Variants in HTR1F observed in about 807,000 individuals in gnomAD.
The protein encoded by HTR1F is 5-hydroxytryptamine (serotonin) receptor 1F, G protein-coupled.
Under a neutral mutation model 24.0 loss-of-function variants are expected in HTR1F, and 17 were observed. The observed-to-expected ratio is 0.71, with a 90% CI of 0.48 to 1.06. HTR1F has a LOEUF of 1.06. Ranked by LOEUF, HTR1F falls within the 50% of genes least tolerant of loss-of-function variation. The pLI, the probability that HTR1F is intolerant of heterozygous loss-of-function variation, is 0.00. For synonymous variants in HTR1F, 186 were observed against 156.8 expected, an observed-to-expected ratio of 1.19 and a Z score of -1.39; for missense variants, 391 against 427.8, an observed-to-expected ratio of 0.91 and a Z score of 0.76.
chr3:87,904,863 A>G (rs1309261063), intron 2 of HTR1F, among the ~76,000 whole-genome samples: 2 of 152,080 alleles, frequency 1.3e-5, no homozygotes, highest in Non-Finnish European at 2.9e-5. Context: ...GTTTTGGAGG[A>G]GACATAGGGA....
Position 87,847,883 on chromosome 3 carries a change from T to C in HTR1F, c.-43+25759T>C, listed in dbSNP as rs989325151. ...CTGCACATGACATGACTGCGCTCTT[T>C]ATGGCTGAATATTTCATTGTGCATA... On this transcript the variant is annotated intron_variant, in intron 2 of 2. Transcript: ENST00000319595. Among the ~76,000 whole-genome samples the C allele has an allele frequency of 1.6e-4, 25 of 152,048 alleles. 1 individual carries two copies. Among genetic ancestry groups the C allele is most frequent in the African/African-American group, 5.8e-4 (24 of 41,338 alleles).
intron 2 of HTR1F, among the ~76,000 whole-genome samples, chr3:87,929,475 A>G (rs1704207467): frequency 6.6e-6 from 1 of 152,214 alleles, no homozygotes. Flanking sequence ...TATTGGGAAT[A>G]GTAATAATAG....
At chr3:87,832,161 C>A (rs1426266679) in intron 2 of HTR1F, among the ~76,000 whole-genome samples, 1 of 152,008 alleles carries the variant, frequency 6.6e-6, no homozygotes. Context: ...AAGCTAAAAT[C>A]CGTATCTTCC....
intron 2 of HTR1F, among the ~76,000 whole-genome samples, chr3:87,925,314 T>G (rs1411755213): frequency 6.6e-6 from 1 of 152,122 alleles, no homozygotes; most frequent in Non-Finnish European, 1.5e-5. Flanking sequence ...CTTATCTGGT[T>G]GTGGAGGCTG....
At chr3:87,902,269 A>G (rs999867560) in intron 2 of HTR1F, among the ~76,000 whole-genome samples, 6 of 152,166 alleles carry the variant, frequency 3.9e-5, no homozygotes, top group African/African-American at 1.4e-4. Flanking sequence ...CTCACGCAGA[A>G]ATAATCACCT....
At chr3:87,925,866 G>A (rs1409928547) in intron 2 of HTR1F, among the ~76,000 whole-genome samples, 1 of 152,124 alleles carries the variant, frequency 6.6e-6, no homozygotes, top group Non-Finnish European at 1.5e-5. Context: ...GCCATATCGA[G>A]TTTTTGTACT....
rs78874001 is a variant in HTR1F at position 87,831,876 on chromosome 3, G to T, written c.-43+9752G>T. On this transcript the variant is annotated intron_variant, in intron 2 of 2. Coordinates refer to ENST00000319595, the MANE Select transcript of HTR1F (RefSeq NM_001322209.2). ...ACATGTTTATTTTATATTTTTATGA[G>T]CCACATTGCTAACTTTTGGAAACTT... is the stretch of plus-strand genomic sequence containing the variant. Among the ~76,000 whole-genome samples the T allele has an allele frequency of 6.8e-3, 1,033 of 152,188 alleles. 19 individuals carry two copies. The highest frequency in any genetic ancestry group is 0.024 in the African/African-American group (987 of 41,496).
intron 2 of HTR1F, among the ~76,000 whole-genome samples, chr3:87,908,747 T>C (rs770840613): frequency 6.6e-5 from 10 of 152,022 alleles, no homozygotes; most frequent in Non-Finnish European, 8.8e-5. Context: ...CTTGTGTGGG[T>C]ATTTGTGAAT....
chr3:87,919,527 GA>G (rs775864198), intron 2 of HTR1F, among the ~76,000 whole-genome samples: 27 of 149,970 alleles, frequency 1.8e-4, no homozygotes, highest in Middle Eastern at 3.4e-3. Context: ...AAATCAGCAA[GA>G]AAAAAAAATT....
chr3:87,932,536 T>A (rs1453757945), intron 2 of HTR1F, among the ~76,000 whole-genome samples: 3 of 152,134 alleles, frequency 2.0e-5, no homozygotes, highest in Non-Finnish European at 4.4e-5. Flanking sequence ...GGGCTCTTTT[T>A]TGGTTCCATA....
At chr3:87,945,492 C>T (rs1250423797) in intron 2 of HTR1F, among the ~76,000 whole-genome samples, 1 of 152,196 alleles carries the variant, frequency 6.6e-6, no homozygotes, top group African/African-American at 2.4e-5. Flanking sequence ...GGTAGGGGCG[C>T]ACACATGGGC....
At chr3:87,862,292 A>G (rs1159545420) in intron 2 of HTR1F, among the ~76,000 whole-genome samples, 3 of 152,198 alleles carry the variant, frequency 2.0e-5, no homozygotes, top group Non-Finnish European at 4.4e-5. Context: ...AATCTCAAGC[A>G]ATTTTGAAAT....
intron 2 of HTR1F, among the ~76,000 whole-genome samples, chr3:87,827,703 C>T (rs1234714111): frequency 2.0e-5 from 3 of 152,170 alleles, no homozygotes; most frequent in Non-Finnish European, 2.9e-5. Flanking sequence ...TCAAAATACA[C>T]ATTCACATTC....
intron 2 of HTR1F, among the ~76,000 whole-genome samples, chr3:87,985,793 C>A (rs1292708744): frequency 1.3e-5 from 2 of 152,202 alleles, no homozygotes; most frequent in Non-Finnish European, 1.5e-5. Context: ...AACTATGCGG[C>A]TAGGAGCTAA....
At chr3:87,847,343 C>G (rs1704967855) in intron 2 of HTR1F, among the ~76,000 whole-genome samples, 1 of 151,782 alleles carries the variant, frequency 6.6e-6, no homozygotes, top group African/African-American at 2.4e-5. Context: ...ACAGCTTGAA[C>G]TGAAGACTTA....
chr3:87,863,572 A>G (rs1295588678), intron 2 of HTR1F, among the ~76,000 whole-genome samples: 3 of 152,150 alleles, frequency 2.0e-5, no homozygotes, highest in Non-Finnish European at 4.4e-5. Flanking sequence ...CCAGTTTCCA[A>G]TAACATGTTC....
intron 2 of HTR1F, among the ~76,000 whole-genome samples, chr3:87,945,754 A>G (rs1704683809): frequency 6.6e-6 from 1 of 152,138 alleles, no homozygotes; most frequent in South Asian, 2.1e-4. Context: ...AGGGTGCCCG[A>G]TATTTTCCTC....
chr3:87,962,186 T>C (rs1373264102), intron 2 of HTR1F, among the ~76,000 whole-genome samples: 5 of 151,974 alleles, frequency 3.3e-5, no homozygotes, highest in Admixed American at 3.3e-4. Flanking sequence ...ATGATAAAAA[T>C]TAGGACCAGC....
intron 2 of HTR1F, among the ~76,000 whole-genome samples, chr3:87,909,885 T>C (rs1221556396): frequency 2.0e-5 from 3 of 152,016 alleles, no homozygotes; most frequent in Non-Finnish European, 4.4e-5. Context: ...CAAAAGAGTG[T>C]ACTATCCAGT....
Sources: allele counts gnomAD v4.1 joint callset (sites outside exome capture counted in the v4.1 genomes callset), GRCh38; gene constraint gnomAD v4.1.1; transcripts MANE v1.5; gene names NCBI Gene and HGNC (gene_info 2026-07-23, HGNC 2026-07-21).